Variants in NAALADL2 observed in about 807,000 individuals in gnomAD.
NAALADL2 encodes the protein inactive N-acetylated-alpha-linked acidic dipeptidase-like protein 2.
Under a neutral mutation model 87.2 loss-of-function variants are expected in NAALADL2, and 76 were observed. The ratio of observed to expected loss-of-function variants is 0.87; its 90% confidence interval spans 0.72 to 1.05. The LOEUF (loss-of-function observed/expected upper bound fraction) is 1.05, where lower values mean the gene tolerates loss of function less well. Among genes scored for constraint, NAALADL2 ranks in the 50% least tolerant of loss-of-function variants. NAALADL2 has a pLI of 0.00. For missense variants in NAALADL2, 1,089 were observed against 945.8 expected (o/e 1.15, Z -1.99); for synonymous variants, 354 against 331.0 (o/e 1.07, Z -0.75).
chr3:175,788,692 T>C (rs1752410677), intron 13 of NAALADL2, among the ~76,000 whole-genome samples: 1 of 152,214 alleles, frequency 6.6e-6, no homozygotes, highest in Admixed American at 6.5e-5. Flanking sequence ...GACTGTAGTT[T>C]AATTTTAAGC....
At chr3:175,654,855 G>A (rs1731234829) in intron 11 of NAALADL2, among the ~76,000 whole-genome samples, 1 of 151,878 alleles carries the variant, frequency 6.6e-6, no homozygotes, top group South Asian at 2.1e-4. Flanking sequence ...GGGAACCTGT[G>A]TATAGGCCCC....
intron 3 of NAALADL2, among the ~76,000 whole-genome samples, chr3:174,776,612 T>C (rs143731513): frequency 2.7e-4 from 41 of 152,286 alleles, no homozygotes; most frequent in African/African-American, 9.6e-4. Flanking sequence ...ATATTCATAA[T>C]TTGGGAACTT....
intron 3 of NAALADL2, among the ~76,000 whole-genome samples, chr3:174,740,552 T>C (rs1733669045): frequency 6.6e-6 from 1 of 151,884 alleles, no homozygotes; most frequent in Non-Finnish European, 1.5e-5. Flanking sequence ...AAGAGTACTA[T>C]AGCTCCTGTG....
At chr3:175,328,259 TAC>T (rs1179632458) in intron 5 of NAALADL2, among the ~76,000 whole-genome samples, 1 of 152,174 alleles carries the variant, frequency 6.6e-6, no homozygotes, top group African/African-American at 2.4e-5. Flanking sequence ...TAGAATCTGA[TAC>T]AGTTAGGGTC....
intron 11 of NAALADL2, among the ~76,000 whole-genome samples, chr3:175,655,101 A>G (rs958948533): frequency 5.9e-5 from 9 of 152,164 alleles, no homozygotes; most frequent in African/African-American, 2.2e-4. Flanking sequence ...TGATGTAGTT[A>G]TGATTTAATA....
chr3:174,625,583 A>G (rs944581490), intron 2 of NAALADL2, among the ~76,000 whole-genome samples: 10 of 151,816 alleles, frequency 6.6e-5, no homozygotes, highest in Non-Finnish European at 1.5e-4. Flanking sequence ...AATATATTAT[A>G]ATTTTAAAAT....
chr3:175,649,065 C>T (rs1002092952), intron 11 of NAALADL2, among the ~76,000 whole-genome samples: 15 of 152,142 alleles, frequency 9.9e-5, no homozygotes, highest in African/African-American at 2.7e-4. Flanking sequence ...TAATTACTGA[C>T]TTGGATGCCT....
chr3:175,007,524 C>A (rs1380995355), intron 1 of NAALADL2, among the ~76,000 whole-genome samples: 4 of 152,002 alleles, frequency 2.6e-5, no homozygotes, highest in African/African-American at 7.2e-5. Flanking sequence ...GAAAGAAGGC[C>A]CCTGGGGCTA....
chr3:175,387,687 T>G (rs2149007473), intron 5 of NAALADL2, among the ~76,000 whole-genome samples: 1 of 152,216 alleles, frequency 6.6e-6, no homozygotes, highest in African/African-American at 2.4e-5. Flanking sequence ...GAATGATTTG[T>G]GTTTAAAAAC....
intron 5 of NAALADL2, among the ~76,000 whole-genome samples, chr3:175,368,656 G>A (rs77325738): frequency 0.024 from 3,709 of 151,736 alleles, 156 homozygotes; most frequent in African/African-American, 0.085. Flanking sequence ...TAATGGAGAT[G>A]CTTTCTGAGA....
chr3:175,730,400 AT>A (rs1743524883), intron 11 of NAALADL2, among the ~76,000 whole-genome samples: 2 of 6,778 alleles, frequency 3.0e-4, no homozygotes, highest in South Asian at 5.5e-3. Flanking sequence ...ATACAGATAT[AT>A]ATATATATAT....
intron 2 of NAALADL2, among the ~76,000 whole-genome samples, chr3:174,612,844 T>C (rs956715860): frequency 6.6e-6 from 1 of 152,180 alleles, no homozygotes; most frequent in Non-Finnish European, 1.5e-5. Context: ...ATGATCATGA[T>C]ACTTTTAAAT....
intron 11 of NAALADL2, among the ~76,000 whole-genome samples, chr3:175,704,033 A>G (rs1371895540): frequency 4.6e-5 from 7 of 152,130 alleles, no homozygotes; most frequent in Non-Finnish European, 8.8e-5. Context: ...TTGGCTTAAG[A>G]AAAGATAATT....
intron 1 of NAALADL2, among the ~76,000 whole-genome samples, chr3:174,925,061 G>A (rs1466097539): frequency 1.3e-5 from 2 of 152,090 alleles, no homozygotes; most frequent in Non-Finnish European, 2.9e-5. Flanking sequence ...CTGTGTGTAA[G>A]CTCTTTCGTT....
intron 9 of NAALADL2, among the ~76,000 whole-genome samples, chr3:175,546,628 T>C (rs1425572747): frequency 6.6e-6 from 1 of 152,152 alleles, no homozygotes; most frequent in Admixed American, 6.6e-5. Context: ...GGATCTTATT[T>C]CTCCTTTGCT....
chr3:174,953,307 TCCC>T (rs1560406730), intron 1 of NAALADL2, among the ~76,000 whole-genome samples: 22 of 10,988 alleles, frequency 2.0e-3, no homozygotes, highest in African/African-American at 3.2e-3. Flanking sequence ...TCCCCTCCCC[TCCC>T]CTCCCCTCCC....
In NAALADL2 at chr3:175,375,181, G is replaced by C. The variant is rs547025625; in HGVS notation, c.1090+50856G>C. Reference sequence around the variant, plus strand: ...CAATATAACCAAATTGATCACACTAGTTTTGTAGTTAGTCTTGACATTTTT... The same window carrying C: ...CAATATAACCAAATTGATCACACTACTTTTGTAGTTAGTCTTGACATTTTT... On this transcript the variant is annotated intron_variant, in intron 5 of 13. Transcript: ENST00000454872. Among the ~76,000 whole-genome samples, 2 of 152,138 alleles carry C rather than the reference G, an allele frequency of 1.3e-5. 1 individual carries two copies. The highest frequency in any genetic ancestry group is 3.9e-4 in the East Asian group (2 of 5,186).
chr3:175,699,258 A>C (rs1354848395), intron 11 of NAALADL2, among the ~76,000 whole-genome samples: 1 of 151,918 alleles, frequency 6.6e-6, no homozygotes, highest in Non-Finnish European at 1.5e-5. Context: ...AGAACCATAA[A>C]TCTTAATACA....
intron 2 of NAALADL2, among the ~76,000 whole-genome samples, chr3:174,711,268 C>A (rs1730599886): frequency 6.6e-6 from 1 of 152,128 alleles, no homozygotes; most frequent in Admixed American, 6.6e-5. Flanking sequence ...ATTAAAGAGG[C>A]AACATTGGAA....
Sources: gnomAD v4.1 joint callset for allele counts (sites outside exome capture counted in the v4.1 genomes callset) on GRCh38, gnomAD v4.1.1 for gene constraint, MANE v1.5 for transcripts, NCBI Gene and HGNC (gene_info 2026-07-23, HGNC 2026-07-21) for gene names.